Variants in ADGRL3 observed in about 807,000 individuals in gnomAD.
The protein encoded by ADGRL3 is adhesion G protein-coupled receptor L3, also known as calcium-independent alpha-latrotoxin receptor 3.
A neutral mutation model predicts 153.5 loss-of-function variants in ADGRL3; 62 were observed. That is an observed-to-expected ratio of 0.40 (90% CI 0.33 to 0.50). ADGRL3 has a LOEUF of 0.50. ADGRL3 is among the 20% of genes least tolerant of loss of function. The pLI is 0.47. For missense variants in ADGRL3, 1,641 were observed against 1,859.4 expected (o/e 0.88, Z 2.16); for synonymous variants, 710 against 672.5 (o/e 1.06, Z -0.86).
chr4:62,026,382 A>C (rs1339539183), intron 21 of ADGRL3, among the ~76,000 whole-genome samples: 2 of 152,026 alleles, frequency 1.3e-5, no homozygotes, highest in African/African-American at 2.4e-5. Flanking sequence ...GTCACAGTTC[A>C]CTTGTGGCCA....
intron 2 of ADGRL3, among the ~76,000 whole-genome samples, chr4:61,444,202 A>G (rs908174285): frequency 5.9e-5 from 9 of 152,202 alleles, no homozygotes; most frequent in African/African-American, 1.2e-4. Context: ...ATTTGTTAAT[A>G]TGATTAATTC....
At chr4:61,285,764 G>T (rs1299853320) in intron 1 of ADGRL3, among the ~76,000 whole-genome samples, 2 of 151,702 alleles carry the variant, frequency 1.3e-5, no homozygotes, top group Non-Finnish European at 3.0e-5. Flanking sequence ...CTGTGAACTT[G>T]AATTCACTTA....
chr4:61,766,700 T>C (rs1464278384), intron 8 of ADGRL3, among the ~76,000 whole-genome samples: 3 of 151,898 alleles, frequency 2.0e-5, no homozygotes, highest in Non-Finnish European at 4.4e-5. Context: ...TTGATGAGCT[T>C]GATGGGTGTC....
intron 6 of ADGRL3, among the ~76,000 whole-genome samples, chr4:61,702,231 C>T (rs867573029): frequency 7.0e-4 from 106 of 152,230 alleles, no homozygotes; most frequent in African/African-American, 2.5e-3. Context: ...AATCTCCAGA[C>T]TAGTTGTCCT....
rs1051196287 is a variant in ADGRL3, at chr4:61,493,337, C to T, written c.-173-3784C>T. On this transcript the variant is annotated intron_variant, in intron 2 of 26. Transcript: ENST00000683033. ...TTACATTATAATTATGGAAACAAATCCCTATGCCTAAATCAAATGTCAAAT... is the reference window on the plus strand; with the variant it reads ...TTACATTATAATTATGGAAACAAATTCCTATGCCTAAATCAAATGTCAAAT... 1.3e-5 allele frequency among the ~76,000 whole-genome samples: 2 copies of T among 152,070 alleles called. 1 individual carries two copies. The highest frequency in any genetic ancestry group is 2.9e-5 in the Non-Finnish European group (2 of 68,002).
chr4:61,845,889 C>CA (rs1375315936), intron 9 of ADGRL3, among the ~76,000 whole-genome samples: 1 of 152,148 alleles, frequency 6.6e-6, no homozygotes, highest in African/African-American at 2.4e-5. Flanking sequence ...TTCCTACTAG[C>CA]AATTGCTTAC....
Position 61,895,738 on chromosome 4 carries a change from A to C in ADGRL3, c.1791A>C (p.Ser597=). ...TTTCTCTCATTATTACAGGTGTATC[A>C]ACTTATCTATGCCTTGCTCCTGATG... The part of the protein sequence containing the change: ...QPCPAGTIGV[S]TYLCLAPDGI... Residue 597 remains serine, a synonymous_variant, in exon 11 of 27, where the codon TCA becomes TCC. Coordinates refer to ENST00000683033, the MANE Select transcript of ADGRL3 (RefSeq NM_001387552.1). The C allele has an allele frequency of 6.3e-7, 1 of 1,581,062 alleles. No homozygotes were observed. The highest frequency in any genetic ancestry group is 8.6e-7 in the Non-Finnish European group (1 of 1,157,480).
At chr4:61,471,960 GCACAA>G (rs1203504388) in intron 2 of ADGRL3, among the ~76,000 whole-genome samples, 7 of 151,880 alleles carry the variant, frequency 4.6e-5, no homozygotes, top group African/African-American at 1.7e-4. Context: ...ATTGTATTAT[GCACAA>G]CACAATACAT....
intron 8 of ADGRL3, among the ~76,000 whole-genome samples, chr4:61,787,062 T>C (rs2097284851): frequency 6.6e-6 from 1 of 152,164 alleles, no homozygotes; most frequent in Admixed American, 6.5e-5. Context: ...AGACATTTCT[T>C]AGTTTCCTGG....
intron 8 of ADGRL3, among the ~76,000 whole-genome samples, chr4:61,782,156 T>C (rs1456277684): frequency 6.6e-6 from 1 of 152,160 alleles, no homozygotes; most frequent in African/African-American, 2.4e-5. Flanking sequence ...CAGACAGAGA[T>C]GCAACATTGA....
chr4:61,759,727 T>C lies in ADGRL3; in HGVS notation c.1399+26173T>C, dbSNP rs145130580. Among the ~76,000 whole-genome samples, 1,419 of 152,330 alleles carry C rather than the reference T, an allele frequency of 9.3e-3. 29 individuals are homozygous for C. Among genetic ancestry groups the C allele is most frequent in the African/African-American group, 0.032 (1,344 of 41,558 alleles). ...CATTGCTGGTGAGGAGCTGCGTTCC[T>C]TTGGAGGAGGAGAGGCACTCTGATT... On this transcript the variant is annotated intron_variant, in intron 8 of 26. Coordinates refer to ENST00000683033, the MANE Select transcript of ADGRL3 (RefSeq NM_001387552.1).
intron 21 of ADGRL3, among the ~76,000 whole-genome samples, chr4:62,015,729 T>TTC (rs200045965): frequency 1.3e-5 from 2 of 152,140 alleles, no homozygotes; most frequent in East Asian, 3.9e-4. Flanking sequence ...CTACTAGATT[T>TTC]TCTCTCTCTC....
At chr4:61,247,093 A>G (rs1047030563) in intron 1 of ADGRL3, among the ~76,000 whole-genome samples, 1 of 152,098 alleles carries the variant, frequency 6.6e-6, no homozygotes, top group Non-Finnish European at 1.5e-5. Context: ...TTTTAGTTTC[A>G]GGCATCTTTG....
intron 1 of ADGRL3, among the ~76,000 whole-genome samples, chr4:61,263,592 T>C (rs1021692474): frequency 2.0e-5 from 3 of 152,036 alleles, no homozygotes; most frequent in African/African-American, 7.2e-5. Context: ...CTGTTTTCCA[T>C]GAGGTACCAG....
intron 4 of ADGRL3, among the ~76,000 whole-genome samples, chr4:61,578,904 C>A (rs2098908941): frequency 1.3e-5 from 2 of 152,192 alleles, no homozygotes; most frequent in Non-Finnish European, 2.9e-5. Flanking sequence ...CTTCTAGAGA[C>A]CCATGGAGAC....
intron 1 of ADGRL3, among the ~76,000 whole-genome samples, chr4:61,218,714 A>G (rs986796833): frequency 6.6e-6 from 1 of 152,156 alleles, no homozygotes; most frequent in Non-Finnish European, 1.5e-5. Flanking sequence ...GTCAAGCAGC[A>G]CCTTCCTGAA....
Position 62,074,833 on chromosome 4 carries a change from ATTAAC to A in ADGRL3, c.*3930_*3934del, listed in dbSNP as rs767968395. 63 of 152,314 alleles carry A rather than the reference ATTAAC, an allele frequency of 4.1e-4. No homozygotes were observed. The highest frequency in any genetic ancestry group is 3.3e-3 in the East Asian group (17 of 5,172). 9.4% of individuals were successfully genotyped at this position (152,314 alleles called of 1,614,324 possible). The stretch of plus-strand genomic sequence containing the variant: ...ATCTAGGTTTAAGATTCTTATTAGT[ATTAAC>A]TTAATTGGTATGACAAAACTTTTCA... On this transcript the variant is annotated 3_prime_UTR_variant, in exon 27 of 27. Coordinates refer to ENST00000683033, the MANE Select transcript of ADGRL3 (RefSeq NM_001387552.1).
chr4:61,496,362 T>A (rs536306305), intron 2 of ADGRL3, among the ~76,000 whole-genome samples: 1 of 152,164 alleles, frequency 6.6e-6, no homozygotes, highest in Non-Finnish European at 1.5e-5. Flanking sequence ...TTTACCATGG[T>A]ATAATATATA....
intron 9 of ADGRL3, among the ~76,000 whole-genome samples, chr4:61,837,098 GT>G (rs919514548): frequency 7.9e-5 from 12 of 152,104 alleles, no homozygotes; most frequent in African/African-American, 2.9e-4. Flanking sequence ...AGATGAAGTA[GT>G]TCATCCAGCT....
Sources: gnomAD v4.1 joint callset for allele counts (sites outside exome capture counted in the v4.1 genomes callset) on GRCh38, gnomAD v4.1.1 for gene constraint, MANE v1.5 for transcripts, NCBI Gene and HGNC (gene_info 2026-07-23, HGNC 2026-07-21) for gene names.